The following DTNB variants were observed in gnomAD, a reference collection of about 807,000 sequenced individuals.
The protein encoded by DTNB is dystrobrevin beta, also known as DTN-B.
A neutral mutation model predicts 90.7 loss-of-function variants in DTNB; 63 were observed. That is an observed-to-expected ratio of 0.69 (90% confidence interval 0.57 to 0.86). The LOEUF (loss-of-function observed/expected upper bound fraction) is 0.86, where lower values mean the gene tolerates loss of function less well. DTNB is among the 40% of genes least tolerant of loss of function. The pLI is 0.00. For missense variants in DTNB, 744 were observed against 807.1 expected, an observed-to-expected ratio of 0.92 and a Z score of 0.95; for synonymous variants, 277 against 286.7, an observed-to-expected ratio of 0.97 and a Z score of 0.34.
chr2:25,504,577 A>G (rs1184799544), intron 9 of DTNB, among the ~76,000 whole-genome samples: 9 of 150,138 alleles, frequency 6.0e-5, no homozygotes, highest in Admixed American at 4.6e-4. Context: ...AGAAAGAAAG[A>G]AAAGAAAAGA....
rs1558797237 is a variant in DTNB at position 25,383,861 on chromosome 2, C to A, written c.1854G>T (p.Glu618Asp). 6.2e-7 allele frequency: 1 copy of A among 1,614,066 alleles called. No individual in the cohort carries two copies. The highest frequency in any genetic ancestry group is 2.2e-5 in the East Asian group (1 of 44,888). ...CTCTGTCTTTCCCATTCTGCATCTT[C>A]TCTTCTTCTTCCTCTGCACCTTCCT... ...SAEEGAEEEE[E>D]KMQNGKDRG Residue 618 changes from glutamate to aspartate, a missense_variant, in exon 19 of 21, where the codon GAG becomes GAT. Physicochemically the swap from Glu to Asp is conservative, Grantham distance 45. Transcript: ENST00000406818.
intron 9 of DTNB, among the ~76,000 whole-genome samples, chr2:25,512,037 A>C (rs556749228): frequency 1.3e-5 from 2 of 152,318 alleles, no homozygotes; most frequent in South Asian, 4.1e-4. Context: ...GCTTGGAGCC[A>C]AAGTCTCCAG....
chr2:25,531,366 T>C (rs539879), intron 9 of DTNB, 107 bp downstream of exon 9: 348,255 of 1,466,034 alleles, frequency 0.24, 46,529 homozygotes, highest in African/African-American at 0.51. Context: ...AGTAAAAACC[T>C]GAGAAGTTGA....
chr2:25,478,476 T>G (rs2064192118), intron 10 of DTNB, among the ~76,000 whole-genome samples: 1 of 152,186 alleles, frequency 6.6e-6, no homozygotes, highest in African/African-American at 2.4e-5. Context: ...AACCATGGTC[T>G]GCTAACAGTC....
chr2:25,459,237 T>G (rs188384627), intron 10 of DTNB, among the ~76,000 whole-genome samples: 95 of 152,196 alleles, frequency 6.2e-4, no homozygotes, highest in Non-Finnish European at 8.1e-4. Flanking sequence ...TCTTAAATAT[T>G]TTTTCTCCCT....
chr2:25,507,583 C>T (rs1456491025), intron 9 of DTNB, among the ~76,000 whole-genome samples: 1 of 152,138 alleles, frequency 6.6e-6, no homozygotes, highest in African/African-American at 2.4e-5. Context: ...TATCTTATCA[C>T]CTCTTATTAC....
At chr2:25,558,447 CT>C in intron 8 of DTNB, 1 of 981,434 alleles carries the variant, frequency 1.0e-6, no homozygotes, top group Non-Finnish European at 1.2e-6. Flanking sequence ...GACAAAAGGG[CT>C]GTGGCTAAGT....
intron 16 of DTNB, among the ~76,000 whole-genome samples, chr2:25,413,554 C>T (rs111485285): frequency 0.013 from 1,965 of 152,042 alleles, 59 homozygotes; most frequent in African/African-American, 0.045. Flanking sequence ...CTGAGAATGA[C>T]GGTTTCCAGC....
intron 5 of DTNB, 116 bp downstream of exon 5, chr2:25,607,116 CGTGA>C (rs1361001633): frequency 2.9e-6 from 3 of 1,044,244 alleles, no homozygotes; most frequent in African/African-American, 1.6e-5. Context: ...GCTGCTGCAG[CGTGA>C]GTGACATGGT....
chr2:25,532,380 A>C (rs538651244), intron 8 of DTNB, among the ~76,000 whole-genome samples: 4 of 152,204 alleles, frequency 2.6e-5, no homozygotes, highest in Admixed American at 1.3e-4. Flanking sequence ...CCAAATAAAC[A>C]TGAGGCAGAA....
At chr2:25,564,901 T>C (rs2058785359) in intron 8 of DTNB, among the ~76,000 whole-genome samples, 1 of 152,234 alleles carries the variant, frequency 6.6e-6, no homozygotes, top group African/African-American at 2.4e-5. Flanking sequence ...GTTTTTGCCA[T>C]TAAAAGTAAC....
chr2:25,488,184 G>C (rs1026084127), intron 9 of DTNB, among the ~76,000 whole-genome samples: 2 of 152,164 alleles, frequency 1.3e-5, no homozygotes, highest in Non-Finnish European at 2.9e-5. Context: ...CCAGGTAAGA[G>C]GTTATGGCAG....
intron 1 of DTNB, among the ~76,000 whole-genome samples, chr2:25,667,065 C>T (rs1050078638): frequency 5.9e-5 from 9 of 151,566 alleles, no homozygotes; most frequent in African/African-American, 1.9e-4. Context: ...TGATTCTAGA[C>T]TGAGGCCCAG....
At chr2:25,606,478 C>T (rs150028997) in intron 5 of DTNB, among the ~76,000 whole-genome samples, 1 of 152,276 alleles carries the variant, frequency 6.6e-6, no homozygotes, top group African/African-American at 2.4e-5. Context: ...CCTTGGTTAA[C>T]TCATCGATAA....
intron 16 of DTNB, among the ~76,000 whole-genome samples, chr2:25,402,136 A>G (rs6546148): frequency 0.44 from 67,537 of 152,172 alleles, 18,829 homozygotes; most frequent in African/African-American, 0.79. Flanking sequence ...GGTGGTGACC[A>G]TGCTAGGAAG....
intron 2 of DTNB, among the ~76,000 whole-genome samples, chr2:25,647,050 G>C (rs1573985398): frequency 6.6e-6 from 1 of 152,058 alleles, no homozygotes; most frequent in South Asian, 2.1e-4. Context: ...AAAAACATAA[G>C]AATTAAGAAA....
chr2:25,607,975 A>G (rs1196332877), intron 4 of DTNB, among the ~76,000 whole-genome samples: 34 of 152,174 alleles, frequency 2.2e-4, no homozygotes, highest in Admixed American at 2.2e-3. Flanking sequence ...TGAATCACCT[A>G]AGGTAATGCT....
chr2:25,379,243 G>A (rs2036814093), intron 20 of DTNB, 47 bp downstream of exon 20: 1 of 1,304,152 alleles, frequency 7.7e-7, no homozygotes, highest in East Asian at 2.9e-5. Context: ...AAGATGCTGA[G>A]GAAGGAGGGA....
At chr2:25,430,757 G>T (rs2053601928) in intron 14 of DTNB, among the ~76,000 whole-genome samples, 4 of 152,162 alleles carry the variant, frequency 2.6e-5, no homozygotes, top group Admixed American at 2.6e-4. Context: ...GTACTTCTAT[G>T]GATGGCATTG....
Sources: allele counts gnomAD v4.1 joint callset (sites outside exome capture counted in the v4.1 genomes callset), GRCh38; gene constraint gnomAD v4.1.1; transcripts MANE v1.5; gene names NCBI Gene and HGNC (gene_info 2026-07-23, HGNC 2026-07-21).